PTPRU: variants seen among roughly 807,000 people sequenced by gnomAD.
PTPRU encodes the protein protein tyrosine phosphatase receptor type U.
Under a neutral mutation model 166.3 loss-of-function variants are expected in PTPRU, and 69 were observed. The ratio of observed to expected loss-of-function variants is 0.41; its 90% confidence interval spans 0.34 to 0.51. PTPRU has a LOEUF of 0.51. Among genes scored for constraint, PTPRU ranks in the 20% least tolerant of loss-of-function variants. The pLI is 0.09. For missense variants in PTPRU, 1,657 were observed against 2,013.7 expected, an observed-to-expected ratio of 0.82 and a Z score of 3.39; for synonymous variants, 793 against 814.0, an observed-to-expected ratio of 0.97 and a Z score of 0.44.
intron 13 of PTPRU, 77 bp from the exon 14 acceptor site, chr1:29,284,654 G>T: frequency 6.2e-7 from 1 of 1,604,052 alleles, no homozygotes; most frequent in South Asian, 1.1e-5. Context: ...TTTGTTCCTT[G>T]GGCACAGCCA....
chr1:29,323,688 C>T lies in PTPRU; in HGVS notation c.4012C>T (p.Arg1338Trp), dbSNP rs1166884290. The T allele has an allele frequency of 5.0e-6, 8 of 1,614,120 alleles. No homozygotes were observed. Among genetic ancestry groups the T allele is most frequent in the East Asian group, 2.2e-5 (1 of 44,886 alleles). The change falls in exon 28 of 30, where the codon CGG (arginine) becomes TGG (tryptophan). Residue 1338 changes from arginine to tryptophan, a missense_variant. Transcript: ENST00000373779. ...CCAGTTCCTGCGCTGGTCTGCATAC[C>T]GGGACACACCTGACTCCAAGAAGGC... ...HFQFLRWSAY[R>W]DTPDSKKAFL...
chr1:29,243,947 C>T (rs1684172363), intron 1 of PTPRU, among the ~76,000 whole-genome samples: 1 of 152,164 alleles, frequency 6.6e-6, no homozygotes, highest in South Asian at 2.1e-4. Context: ...AGGGGGACAG[C>T]TCAGAAGATG....
In PTPRU at chr1:29,323,747, G is replaced by T. The variant is rs1026005333; in HGVS notation, c.4071G>T (p.Trp1357Cys). 1 of 1,614,180 alleles carries T rather than the reference G, an allele frequency of 6.2e-7. No individual in the cohort carries two copies. The highest frequency in any genetic ancestry group is 8.5e-7 in the Non-Finnish European group (1 of 1,180,002). The change falls in exon 28 of 30, where the codon TGG (tryptophan) becomes TGT (cysteine). Residue 1357 changes from tryptophan (W) to cysteine (C), a missense_variant. Transcript: ENST00000373779. ...ACCTGCTGGCTGAGGTGGACAAGTGGCAGGCCGAGAGTGGGGATGGGCGCA... is the reference window on the plus strand; with the variant it reads ...ACCTGCTGGCTGAGGTGGACAAGTGTCAGGCCGAGAGTGGGGATGGGCGCA... ...FLHLLAEVDK[W>C]QAESGDGRTI...
intron 18 of PTPRU, among the ~76,000 whole-genome samples, chr1:29,306,973 T>A (rs1490797086): frequency 1.4e-5 from 2 of 138,516 alleles, no homozygotes. Context: ...CTCCCCACTC[T>A]GTGGCTCAGC....
chr1:29,243,607 C>T (rs1684153049), intron 1 of PTPRU, among the ~76,000 whole-genome samples: 1 of 152,258 alleles, frequency 6.6e-6, no homozygotes, highest in Non-Finnish European at 1.5e-5. Context: ...GAAGCCTTCC[C>T]AGCCCTCTCC....
chr1:29,238,616 C>T lies in PTPRU; in HGVS notation c.73+1899C>T, dbSNP rs1683897925. On this transcript the variant is annotated intron_variant, in intron 1 of 29. Transcript: ENST00000373779. The surrounding 1 kb of genome is among the most constrained non-coding windows in gnomAD (Gnocchi z 6.1). ...TGGGCCTCGCCCTGCAGCTCCGGGG[C>T]CATAGGGCACAGCTTTAGCTTTGAC... 6.6e-6 allele frequency among the ~76,000 whole-genome samples: 1 copy of T among 152,236 alleles called. No individual in the cohort carries two copies. The highest frequency in any genetic ancestry group is 2.4e-5 in the African/African-American group (1 of 41,472).
intron 2 of PTPRU, 143 bp downstream of exon 2, chr1:29,255,549 A>G (rs1025655959): frequency 2.4e-6 from 3 of 1,272,330 alleles, no homozygotes; most frequent in Middle Eastern, 1.9e-4. Flanking sequence ...GTGACACTGA[A>G]TGTGGCTTTC....
At chr1:29,255,046 G>A (rs1309721325) in intron 1 of PTPRU, among the ~76,000 whole-genome samples, 1 of 152,148 alleles carries the variant, frequency 6.6e-6, no homozygotes, top group East Asian at 1.9e-4. Context: ...GAAGTACTGG[G>A]GGAGTTGGCA....
At position 29,311,548 on chromosome 1, in the gene PTPRU, G is replaced by A; in HGVS notation, c.2950G>A (p.Gly984Ser). 1 of 1,614,214 alleles carries A rather than the reference G, an allele frequency of 6.2e-7. No individual in the cohort carries two copies. The highest frequency in any genetic ancestry group is 8.5e-7 in the Non-Finnish European group (1 of 1,180,038). Residue 984 changes from glycine to serine, a missense_variant, in exon 20 of 30, where the codon GGC (glycine) becomes AGC (serine). This residue lies in a region of PTPRU where 1,190 missense variants were observed against 1,477.4 expected (regional missense o/e 0.81). Transcript: ENST00000373779. This position sits in a 1 kb window ranked among gnomAD's most constrained non-coding sequence, Gnocchi z 4.1. Reference sequence around the variant, plus strand: ...CATGATCACCAAGCTGGTCGAGGTGGGCAGGGTAAGCCGGGCTGTGGGGCG... The same window carrying A: ...CATGATCACCAAGCTGGTCGAGGTGAGCAGGGTAAGCCGGGCTGTGGGGCG... ...IVMITKLVEV[G>S]RVKCSRYWPE...
chr1:29,276,552 A>G (rs1021344177), intron 8 of PTPRU, among the ~76,000 whole-genome samples: 2 of 152,272 alleles, frequency 1.3e-5, no homozygotes, highest in Non-Finnish European at 1.5e-5. Context: ...TCCTGGGCTC[A>G]AGTGATCCAC....
At chr1:29,308,521 C>T (rs1008277612) in intron 18 of PTPRU, among the ~76,000 whole-genome samples, 6 of 134,050 alleles carry the variant, frequency 4.5e-5, no homozygotes, top group South Asian at 2.4e-4. Context: ...GAGTCGAGAT[C>T]GTGCCATTGC....
At chr1:29,284,600 G>A (rs1190784461) in intron 13 of PTPRU, 131 bp from the exon 14 acceptor site, 1 of 1,297,062 alleles carries the variant, frequency 7.7e-7, no homozygotes, top group African/African-American at 1.5e-5. Flanking sequence ...TTGCTCAAAA[G>A]GCAGGACACA....
At position 29,280,517 on chromosome 1, in the gene PTPRU, A is replaced by G. The variant is rs1057248656; in HGVS notation, c.1868+376A>G. On this transcript the variant is annotated intron_variant, in intron 11 of 29. Coordinates refer to ENST00000373779, the MANE Select transcript of PTPRU (RefSeq NM_133178.4). The surrounding 1 kb of genome is among the most constrained non-coding windows in gnomAD (Gnocchi z 4.2). ...GATGGGCTTTCTAGAAGGCTGGGGC[A>G]GCCAGCCAGATAGGGCCATCTCTCT... 6.6e-6 allele frequency among the ~76,000 whole-genome samples: 1 copy of G among 152,182 alleles called. No individual in the cohort carries two copies. Among genetic ancestry groups the G allele is most frequent in the Non-Finnish European group, 1.5e-5 (1 of 68,016 alleles).
At chr1:29,267,353 TG>T (rs1411871923) in intron 7 of PTPRU, among the ~76,000 whole-genome samples, 1 of 152,202 alleles carries the variant, frequency 6.6e-6, no homozygotes, top group Non-Finnish European at 1.5e-5. Flanking sequence ...AACCAATCCC[TG>T]GCATATACCG....
chr1:29,301,405 T>A (rs1687127125), intron 15 of PTPRU, among the ~76,000 whole-genome samples: 1 of 152,232 alleles, frequency 6.6e-6, no homozygotes. Flanking sequence ...TGTAAAAAAG[T>A]CTAGCACATA....
At chr1:29,255,228 C>T in intron 1 of PTPRU, 47 bp from the exon 2 acceptor site, 1 of 1,589,504 alleles carries the variant, frequency 6.3e-7, no homozygotes, top group Non-Finnish European at 8.6e-7. Context: ...GCCCTCCTGG[C>T]CAGCAGCCCT....
Position 29,275,470 on chromosome 1 carries a change from C to G in PTPRU, c.1167C>G (p.Gly389=). ...KCAEPMRAPK[G]LAFAEIQARQ... ...CAGAGCCCATGAGGGCCCCCAAAGG[C>G]CTGGCTTTTGCTGAGATCCAGGCCC... Residue 389 remains glycine, a synonymous_variant, in exon 8 of 30, where the codon GGC becomes GGG. Coordinates refer to ENST00000373779, the MANE Select transcript of PTPRU (RefSeq NM_133178.4). 6.2e-7 allele frequency: 1 copy of G among 1,614,002 alleles called. No homozygotes were observed. The highest frequency in any genetic ancestry group is 8.5e-7 in the Non-Finnish European group (1 of 1,179,870).
chr1:29,291,810 C>T lies in PTPRU; in HGVS notation c.2319-59C>T, dbSNP rs1200210725. The T allele has an allele frequency of 6.3e-7, 1 of 1,582,140 alleles. No individual in the cohort carries two copies. The highest frequency in any genetic ancestry group is 1.3e-5 in the African/African-American group (1 of 74,394). Reference sequence around the variant, plus strand: ...CTTACTCCAGGGCCTCCCCAGCCACCTCTGGGTGCTGTCCAGCCCCACACA... The same window carrying T: ...CTTACTCCAGGGCCTCCCCAGCCACTTCTGGGTGCTGTCCAGCCCCACACA... On this transcript the variant is annotated intron_variant, in intron 14 of 29. Coordinates refer to ENST00000373779, the MANE Select transcript of PTPRU (RefSeq NM_133178.4). This position sits in a 1 kb window ranked among gnomAD's most constrained non-coding sequence, Gnocchi z 4.1.
intron 7 of PTPRU, among the ~76,000 whole-genome samples, chr1:29,264,764 C>T (rs1019454243): frequency 3.3e-5 from 5 of 152,122 alleles, no homozygotes; most frequent in African/African-American, 7.2e-5. Context: ...GCTCAGCCTC[C>T]CAAAGTGCTA....
Sources: gnomAD v4.1 joint callset for allele counts (sites outside exome capture counted in the v4.1 genomes callset) on GRCh38, gnomAD v4.1.1 for gene constraint, gnomAD v4.1.1 regional missense constraint, Gnocchi (gnomAD v3.1) non-coding constraint, MANE v1.5 for transcripts, NCBI Gene and HGNC (gene_info 2026-07-23, HGNC 2026-07-21) for gene names.